Variants in KIDINS220 observed in about 807,000 individuals in gnomAD.
KIDINS220 encodes kinase D interacting substrate 220, also known as kinase D-interacting substrate of 220 kDa.
Under a neutral mutation model 157.6 loss-of-function variants are expected in KIDINS220, and 63 were observed. The observed-to-expected ratio is 0.40, with a 90% CI of 0.33 to 0.49. The LOEUF (loss-of-function observed/expected upper bound fraction) is 0.49, where lower values mean the gene tolerates loss of function less well. Ranked by LOEUF, KIDINS220 falls within the 20% of genes least tolerant of loss-of-function variation. The pLI, the probability that KIDINS220 is intolerant of heterozygous loss-of-function variation, is 0.66. For synonymous variants in KIDINS220, 732 were observed against 783.6 expected, an observed-to-expected ratio of 0.93 and a Z score of 1.10; for missense variants, 1,772 against 2,171.2, an observed-to-expected ratio of 0.82 and a Z score of 3.65.
chr2:8,787,689 T>C (rs1356788596), intron 15 of KIDINS220, among the ~76,000 whole-genome samples: 2 of 151,934 alleles, frequency 1.3e-5, no homozygotes, highest in Non-Finnish European at 2.9e-5. Context: ...ATTCTTACAT[T>C]GCTTACTTCC....
At chr2:8,743,858 T>C (rs562336190) in intron 26 of KIDINS220, among the ~76,000 whole-genome samples, 81 of 152,284 alleles carry the variant, frequency 5.3e-4, no homozygotes, top group African/African-American at 1.9e-3. Context: ...TTCTATGCTT[T>C]GGAACTTTGA....
intron 1 of KIDINS220, among the ~76,000 whole-genome samples, chr2:8,832,454 G>C (rs1272382594): frequency 6.6e-6 from 1 of 152,188 alleles, no homozygotes; most frequent in Non-Finnish European, 1.5e-5. Context: ...TCATGTTTAA[G>C]AGCACGTGTG....
At chr2:8,726,461 G>A (rs766296842), downstream of KIDINS220, among the ~76,000 whole-genome samples, 7 of 152,216 alleles carry the variant, frequency 4.6e-5, no homozygotes, top group Non-Finnish European at 8.8e-5. Flanking sequence ...ACTTAACTCC[G>A]TTTGTTAAAG....
chr2:8,753,626 T>C (rs2148065134), intron 22 of KIDINS220, among the ~76,000 whole-genome samples: 1 of 152,346 alleles, frequency 6.6e-6, no homozygotes, highest in South Asian at 2.1e-4. Flanking sequence ...TATTAACTGT[T>C]AGATTATACT....
intron 22 of KIDINS220, among the ~76,000 whole-genome samples, chr2:8,757,041 A>G (rs1252192852): frequency 3.3e-5 from 5 of 152,196 alleles, no homozygotes; most frequent in African/African-American, 1.2e-4. Context: ...AAAGTGATCA[A>G]TTAAGAAAAT....
intron 26 of KIDINS220, among the ~76,000 whole-genome samples, chr2:8,740,569 C>T (rs997707112): frequency 1.3e-5 from 2 of 152,096 alleles, no homozygotes; most frequent in Non-Finnish European, 2.9e-5. Flanking sequence ...AATAAGAAGG[C>T]TTAGTTACTT....
intron 2 of KIDINS220, among the ~76,000 whole-genome samples, chr2:8,819,833 T>A (rs904082597): frequency 6.6e-6 from 1 of 151,774 alleles, no homozygotes; most frequent in African/African-American, 2.4e-5. Flanking sequence ...CAAAAAAAAA[T>A]TTAAATTAAA....
At chr2:8,738,094 AAT>A (rs1290673288) in intron 26 of KIDINS220, among the ~76,000 whole-genome samples, 5 of 152,260 alleles carry the variant, frequency 3.3e-5, no homozygotes, top group Non-Finnish European at 5.9e-5. Context: ...ATCACAAAAA[AAT>A]AGTTTAATCA....
Position 8,749,166 on chromosome 2 carries a change from T to A in KIDINS220, c.3414+946A>T, listed in dbSNP as rs556155276. ...TTTAAACAGTACCTAATTACTTATA[T>A]GGCCACCATTTTTCAAAAACTGAAA... On this transcript the variant is annotated intron_variant, in intron 24 of 29. Coordinates refer to ENST00000256707, the MANE Select transcript of KIDINS220 (RefSeq NM_020738.4). Among the ~76,000 whole-genome samples, 7 of 152,344 alleles carry A rather than the reference T, an allele frequency of 4.6e-5. No homozygotes were observed. In the East Asian group the frequency reaches 1.3e-3, roughly 29 times the overall value.
At chr2:8,791,259 A>T (rs577539243) in intron 12 of KIDINS220, 35 bp from the exon 13 acceptor site, 3 of 1,549,202 alleles carry the variant, frequency 1.9e-6, no homozygotes, top group Non-Finnish European at 2.7e-6. Flanking sequence ...TACATTAAAC[A>T]GTGGCATTAC....
At chr2:8,795,255 C>CT (rs1673748448) in intron 11 of KIDINS220, among the ~76,000 whole-genome samples, 1 of 152,174 alleles carries the variant, frequency 6.6e-6, no homozygotes, top group Admixed American at 6.5e-5. Flanking sequence ...TCCTGAATGT[C>CT]TTATCAGCCC....
At position 8,750,312 on chromosome 2, in the gene KIDINS220, T is replaced by C; in HGVS notation, c.3214A>G (p.Ile1072Val). Residue 1072 changes from isoleucine (I) to valine (V), a missense_variant, in exon 24 of 30, where the codon ATC becomes GTC. Transcript: ENST00000256707. ...IADVRAAREQISIGGLAYPPL... is the reference protein window; with the variant it reads ...IADVRAAREQVSIGGLAYPPL... ...GGGTACGCCAGTCCTCCAATACTGATCTGCTCTCTGGCAGCACGAACATCT... is the reference window on the plus strand; with the variant it reads ...GGGTACGCCAGTCCTCCAATACTGACCTGCTCTCTGGCAGCACGAACATCT... 1.3e-6 allele frequency: 2 copies of C among 1,595,304 alleles called. No homozygotes were observed. The highest frequency in any genetic ancestry group is 1.7e-6 in the Non-Finnish European group (2 of 1,168,618).
In KIDINS220 at chr2:8,750,252, G is replaced by A. The variant is rs1224548916; in HGVS notation, c.3274C>T (p.Pro1092Ser). The A allele has an allele frequency of 1.9e-6, 3 of 1,613,804 alleles. No individual in the cohort carries two copies. The highest frequency in any genetic ancestry group is 2.5e-6 in the Non-Finnish European group (3 of 1,179,930). The change falls in exon 24 of 30, where the codon CCA becomes TCA. Residue 1092 changes from proline to serine, a missense_variant. Transcript: ENST00000256707. ...GATGGGGGCTGGCTGTACCCTGATG[G>A]CGCCCTAGGAGGACCCTCATGTAGA... ...LPLHEGPPRA[P>S]SGYSQPPSVC...
At chr2:8,727,191 G>A (rs767642222), downstream of KIDINS220, 11 of 1,141,018 alleles carry the variant, frequency 9.6e-6, no homozygotes, top group Non-Finnish European at 1.2e-5. Flanking sequence ...GAGCCCACCT[G>A]AGTCTGCTCA....
chr2:8,751,591 T>C lies in KIDINS220; in HGVS notation c.3065A>G (p.Asp1022Gly). 1 of 1,611,192 alleles carries C rather than the reference T, an allele frequency of 6.2e-7. No individual in the cohort carries two copies. Among genetic ancestry groups the C allele is most frequent in the Non-Finnish European group, 8.5e-7 (1 of 1,178,088 alleles). ...CACTTCAAAATTTCTTATATCTCCA[T>C]CAATTTCAAGAAGTGGCTCAACATC... ...TKDVEPLLEIDGDIRNFEVFL... is the reference protein window; with the variant it reads ...TKDVEPLLEIGGDIRNFEVFL... The change falls in exon 23 of 30, where the codon GAT (aspartate) becomes GGT (glycine). Residue 1022 changes from aspartate (D) to glycine (G), a missense_variant. Physicochemically the swap from Asp to Gly is moderately conservative, Grantham distance 94 (BLOSUM62 -1). Coordinates refer to ENST00000256707, the MANE Select transcript of KIDINS220 (RefSeq NM_020738.4).
rs1340248122 is a variant in KIDINS220 at position 8,731,308 on chromosome 2, C to T, written c.4728G>A (p.Ala1576=). The T allele has an allele frequency of 3.1e-6, 5 of 1,614,064 alleles. No individual in the cohort carries two copies. Among genetic ancestry groups the T allele is most frequent in the Admixed American group, 3.3e-5 (2 of 60,020 alleles). ...FIKAKEYLSD[A]LLDKKDSSDS... ...CCGATGAATCCTTTTTGTCAAGGAG[C>T]GCATCCGATAAATACTCTTTGGCTT... The change falls in exon 30 of 30, where the codon GCG becomes GCA. Residue 1576 remains alanine (A), a synonymous_variant. Transcript: ENST00000256707. The surrounding 1 kb of genome is among the most constrained non-coding windows in gnomAD (Gnocchi z 5.2).
chr2:8,762,657 T>C (rs1668912664), intron 22 of KIDINS220, among the ~76,000 whole-genome samples: 1 of 151,990 alleles, frequency 6.6e-6, no homozygotes, highest in Non-Finnish European at 1.5e-5. Context: ...GAGAATGGCG[T>C]GAACCCAGGA....
Position 8,731,568 on chromosome 2 carries a change from G to C in KIDINS220, c.4468C>G (p.Leu1490Val). The C allele has an allele frequency of 6.2e-7, 1 of 1,614,170 alleles. No homozygotes were observed. Among genetic ancestry groups the C allele is most frequent in the Non-Finnish European group, 8.5e-7 (1 of 1,179,998 alleles). The stretch of plus-strand genomic sequence containing the variant: ...TCGGAAGATTTCTTGCCTGGGAGAA[G>C]CTTACTGCCTGACTGATCTGATTTT... ...DEKSDQSGSK[L>V]LPGKKSSERS... The change falls in exon 30 of 30, where the codon CTT becomes GTT. Residue 1490 changes from leucine (L) to valine (V), a missense_variant. Transcript: ENST00000256707. This position sits in a 1 kb window ranked among gnomAD's most constrained non-coding sequence, Gnocchi z 5.2.
In KIDINS220 at chr2:8,779,524, GA is replaced by G. The variant is rs1343694452; in HGVS notation, c.2370+149del. ...TATTCTTGCTACATTTCTGTATAAAGAATGGTTGTTTTTACAAAAGAAAAAT... is the reference window on the plus strand; with the variant it reads ...TATTCTTGCTACATTTCTGTATAAAGATGGTTGTTTTTACAAAAGAAAAAT... On this transcript the variant is annotated intron_variant, in intron 18 of 29. Coordinates refer to ENST00000256707, the MANE Select transcript of KIDINS220 (RefSeq NM_020738.4). The G allele has an allele frequency of 4.0e-6, 3 of 758,020 alleles. No individual in the cohort carries two copies. In the African/African-American group the frequency reaches 5.3e-5, roughly 13 times the overall value. 47.0% of individuals were successfully genotyped at this position (758,020 alleles called of 1,614,324 possible). A position where few individuals can be genotyped will look rare whatever the true frequency, so the allele number is the denominator to read the frequency against.
Sources: gnomAD v4.1 joint callset for allele counts (sites outside exome capture counted in the v4.1 genomes callset) on GRCh38, gnomAD v4.1.1 for gene constraint, Gnocchi (gnomAD v3.1) non-coding constraint, MANE v1.5 for transcripts, NCBI Gene and HGNC (gene_info 2026-07-23, HGNC 2026-07-21) for gene names.